LINGO2: variants seen among roughly 807,000 people sequenced by gnomAD.
LINGO2 encodes leucine rich repeat and Ig domain containing 2, also known as leucine-rich repeat and immunoglobulin-like domain-containing nogo receptor-interacting protein 2.
Under a neutral mutation model 30.6 loss-of-function variants are expected in LINGO2, and 14 were observed. That is an observed-to-expected ratio of 0.46 (90% confidence interval 0.30 to 0.72). The LOEUF is 0.72. Among genes scored for constraint, LINGO2 ranks in the 30% least tolerant of loss-of-function variants. The pLI, the probability that LINGO2 is intolerant of heterozygous loss-of-function variation, is 0.07. For missense variants in LINGO2, 729 were observed against 751.7 expected, an observed-to-expected ratio of 0.97 and a Z score of 0.35; for synonymous variants, 317 against 288.5, an observed-to-expected ratio of 1.10 and a Z score of -1.00.
At chr9:28,769,609 C>A in the LINGO2 span, among the ~76,000 whole-genome samples, 1 of 140,372 alleles carries the variant, frequency 7.1e-6, no homozygotes, top group African/African-American at 2.7e-5. Flanking sequence ...TTTGATGTTG[C>A]CTATCCTGTA....
At chr9:28,261,727 C>G (rs769896543) in intron 4 of LINGO2, among the ~76,000 whole-genome samples, 15 of 151,842 alleles carry the variant, frequency 9.9e-5, no homozygotes, top group South Asian at 2.1e-4. Context: ...AGAAGAGAAC[C>G]ATGCAATTGC....
At chr9:28,715,343 C>A in the LINGO2 span, among the ~76,000 whole-genome samples, 1 of 152,216 alleles carries the variant, frequency 6.6e-6, no homozygotes, top group East Asian at 1.9e-4. Context: ...AGAAAATAAA[C>A]CATTATTCCT....
chr9:28,880,318 G>A, the LINGO2 span, among the ~76,000 whole-genome samples: 7 of 152,174 alleles, frequency 4.6e-5, no homozygotes, highest in African/African-American at 1.7e-4. Context: ...TTGCTGAGAC[G>A]TTGTTAATTT....
intron 3 of LINGO2, among the ~76,000 whole-genome samples, chr9:28,333,088 A>G (rs1256226724): frequency 3.3e-5 from 5 of 152,306 alleles, no homozygotes; most frequent in African/African-American, 1.2e-4. Context: ...ATCAGTCAGT[A>G]AAAAGAAGAG....
At chr9:28,354,233 A>T (rs1425866516) in intron 3 of LINGO2, among the ~76,000 whole-genome samples, 1 of 152,196 alleles carries the variant, frequency 6.6e-6, no homozygotes, top group Non-Finnish European at 1.5e-5. Flanking sequence ...TTGGCTTTTA[A>T]GGTGATACGG....
intron 3 of LINGO2, among the ~76,000 whole-genome samples, chr9:28,306,722 C>G (rs1431384436): frequency 6.6e-6 from 1 of 151,918 alleles, no homozygotes; most frequent in South Asian, 2.1e-4. Flanking sequence ...ATCAAATAGA[C>G]GCAATAAAAA....
intron 4 of LINGO2, among the ~76,000 whole-genome samples, chr9:28,165,695 G>C (rs1828408475): frequency 6.6e-6 from 1 of 152,054 alleles, no homozygotes; most frequent in South Asian, 2.1e-4. Flanking sequence ...TTTCCCTCTA[G>C]AGAAGCTAAG....
At chr9:28,082,307 G>C (rs1458432288) in intron 4 of LINGO2, among the ~76,000 whole-genome samples, 2 of 152,028 alleles carry the variant, frequency 1.3e-5, no homozygotes, top group Non-Finnish European at 2.9e-5. Context: ...TCTCATATGG[G>C]CGCAGGTATG....
At chr9:28,699,964 A>C in the LINGO2 span, among the ~76,000 whole-genome samples, 1 of 152,088 alleles carries the variant, frequency 6.6e-6, no homozygotes, top group Non-Finnish European at 1.5e-5. Flanking sequence ...ACTGCTGAAT[A>C]TAGACCCTTA....
the LINGO2 span, among the ~76,000 whole-genome samples, chr9:28,868,264 AG>A: frequency 6.6e-6 from 1 of 152,084 alleles, no homozygotes; most frequent in African/African-American, 2.4e-5. Flanking sequence ...TTTATACTCC[AG>A]GAAGTATTTT....
the LINGO2 span, among the ~76,000 whole-genome samples, chr9:29,133,560 T>G: frequency 6.6e-6 from 1 of 152,172 alleles, no homozygotes; most frequent in Non-Finnish European, 1.5e-5. Context: ...TGGTCAGGAC[T>G]GAAGAATCCT....
At chr9:28,003,070 A>G (rs765246832) in intron 5 of LINGO2, among the ~76,000 whole-genome samples, 3 of 152,198 alleles carry the variant, frequency 2.0e-5, no homozygotes, top group Non-Finnish European at 4.4e-5. Flanking sequence ...TTATTATAAA[A>G]TTAAAATTTG....
chr9:28,781,204 C>T, the LINGO2 span, among the ~76,000 whole-genome samples: 2 of 151,966 alleles, frequency 1.3e-5, no homozygotes, highest in Non-Finnish European at 2.9e-5. Flanking sequence ...TCTCTTGATC[C>T]CAAGCCCATA....
chr9:29,037,492 T>C, the LINGO2 span, among the ~76,000 whole-genome samples: 2 of 151,974 alleles, frequency 1.3e-5, no homozygotes, highest in Non-Finnish European at 2.9e-5. Flanking sequence ...TCAAGACTTT[T>C]GGAATTTCTC....
At chr9:28,816,891 C>A in the LINGO2 span, among the ~76,000 whole-genome samples, 2 of 152,060 alleles carry the variant, frequency 1.3e-5, no homozygotes, top group Non-Finnish European at 2.9e-5. Context: ...ACGAAGAGTA[C>A]CCAATGAAGC....
At chr9:28,840,808 T>G in the LINGO2 span, among the ~76,000 whole-genome samples, 2 of 151,886 alleles carry the variant, frequency 1.3e-5, 1 homozygote, top group African/African-American at 4.9e-5. Flanking sequence ...TAAGATGTGG[T>G]GTGAGGTCTC....
At chr9:28,461,436 C>A (rs1025287309) in intron 2 of LINGO2, among the ~76,000 whole-genome samples, 5 of 152,112 alleles carry the variant, frequency 3.3e-5, no homozygotes, top group Non-Finnish European at 5.9e-5. Flanking sequence ...AATAGCAACA[C>A]ATTTTGTATC....
the LINGO2 span, among the ~76,000 whole-genome samples, chr9:28,949,846 G>A: frequency 6.6e-6 from 1 of 152,010 alleles, no homozygotes; most frequent in Non-Finnish European, 1.5e-5. Context: ...GATGAACAGG[G>A]ATATTGTTCA....
chr9:28,652,550 T>C lies in LINGO2; in HGVS notation c.-365+17650A>G, dbSNP rs1397825160. Among the ~76,000 whole-genome samples the C allele has an allele frequency of 2.0e-5, 3 of 151,994 alleles. 1 individual carries two copies. The highest frequency in any genetic ancestry group is 7.3e-5 in the African/African-American group (3 of 41,378). On this transcript the variant is annotated intron_variant, in intron 1 of 5. Coordinates refer to ENST00000379992, the Ensembl canonical transcript of LINGO2. ...TTCATGCTATGTACTTGACAAAGGA[T>C]TATTGTTCCCAAATGATGAAGGGAG... is the stretch of plus-strand genomic sequence containing the variant.
Sources: gnomAD v4.1 joint callset for allele counts (sites outside exome capture counted in the v4.1 genomes callset) on GRCh38, gnomAD v4.1.1 for gene constraint, MANE v1.5 for transcripts, NCBI Gene and HGNC (gene_info 2026-07-23, HGNC 2026-07-21) for gene names.